EYS: variants seen among roughly 807,000 people sequenced by gnomAD.
The protein encoded by EYS is protein eyes shut homolog.
A neutral mutation model predicts 282.1 loss-of-function variants in EYS; 250 were observed. The observed-to-expected ratio is 0.89, with a 90% CI of 0.80 to 0.98. EYS has a LOEUF of 0.98. EYS is among the 50% of genes least tolerant of loss of function. The pLI is 0.00. For synonymous variants in EYS, 1,355 were observed against 1,282.9 expected (o/e 1.06, Z -1.20); for missense variants, 4,016 against 3,709.0 (o/e 1.08, Z -2.15).
chr6:64,770,174 G>A (rs1239354905), intron 22 of EYS, among the ~76,000 whole-genome samples: 1 of 151,834 alleles, frequency 6.6e-6, no homozygotes. Context: ...TTGAGAGATT[G>A]TTTTGAGACC....
chr6:64,767,269 G>T (rs1469896786), intron 22 of EYS, among the ~76,000 whole-genome samples: 3 of 151,900 alleles, frequency 2.0e-5, no homozygotes, highest in Non-Finnish European at 4.4e-5. Flanking sequence ...TTATGTCTTT[G>T]TATTGGAATA....
intron 5 of EYS, among the ~76,000 whole-genome samples, chr6:65,428,227 T>C (rs1306604719): frequency 2.0e-5 from 3 of 152,090 alleles, no homozygotes; most frequent in African/African-American, 7.2e-5. Flanking sequence ...ATTCTATGTC[T>C]GAAAATTTAT....
intron 35 of EYS, among the ~76,000 whole-genome samples, chr6:63,913,110 A>C (rs931138986): frequency 1.3e-5 from 2 of 152,162 alleles, no homozygotes; most frequent in Non-Finnish European, 2.9e-5. Flanking sequence ...TCTCAGGCTG[A>C]ACCAGGGAAA....
chr6:65,138,350 C>G (rs1561985237), intron 12 of EYS, among the ~76,000 whole-genome samples: 1 of 151,868 alleles, frequency 6.6e-6, no homozygotes, highest in Admixed American at 6.6e-5. Flanking sequence ...TTTTTGGAAG[C>G]CCAGTATTAC....
chr6:65,347,641 G>T (rs969255325), intron 9 of EYS, among the ~76,000 whole-genome samples: 1 of 148,954 alleles, frequency 6.7e-6, no homozygotes. Context: ...GAGATATTTT[G>T]CTACAGGCAT....
At chr6:64,726,681 C>G (rs911898863) in intron 22 of EYS, among the ~76,000 whole-genome samples, 1 of 151,950 alleles carries the variant, frequency 6.6e-6, no homozygotes, top group Non-Finnish European at 1.5e-5. Flanking sequence ...ATTCTATAAC[C>G]CTATTCAATG....
intron 35 of EYS, among the ~76,000 whole-genome samples, chr6:63,907,737 C>T (rs1773810695): frequency 6.6e-6 from 1 of 151,814 alleles, no homozygotes; most frequent in Non-Finnish European, 1.5e-5. Context: ...ATGTTGTTCC[C>T]ATTAAGTAAT....
intron 1 of EYS, among the ~76,000 whole-genome samples, chr6:65,646,086 T>C (rs1460424913): frequency 6.6e-6 from 1 of 152,180 alleles, no homozygotes; most frequent in Non-Finnish European, 1.5e-5. Flanking sequence ...CACAGCTGAA[T>C]TCCTTCAGAC....
In EYS at chr6:64,031,595, GT is replaced by G. The variant is rs1433801141; in HGVS notation, c.6726-32413del. Among the ~76,000 whole-genome samples, 6 of 152,246 alleles carry G rather than the reference GT, an allele frequency of 3.9e-5. No homozygotes were observed. The East Asian group carries it at 1.2e-3, about 29-fold the overall frequency. On this transcript the variant is annotated intron_variant, in intron 33 of 42. Coordinates refer to ENST00000503581, the MANE Select transcript of EYS (RefSeq NM_001142800.2). ...GAAGCCAGCGGGGCTCCTGAGTCTG[GT>G]GGGGACTTGCAGAACCTTTATGTCT...
In EYS at chr6:64,912,639, A is replaced by G. The variant is rs1182607969; in HGVS notation, c.2486T>C (p.Ile829Thr). 5 of 1,550,220 alleles carry G rather than the reference A, an allele frequency of 3.2e-6. No individual in the cohort carries two copies. In the East Asian group the frequency reaches 1.2e-4, roughly 38 times the overall value. Residue 829 changes from isoleucine (I) to threonine (T), a missense_variant, in exon 16 of 43, where the codon ATC (isoleucine) becomes ACC (threonine). Coordinates refer to ENST00000503581, the MANE Select transcript of EYS (RefSeq NM_001142800.2). ...MNGGLCHEST[I>T]PGQFVCLCPP... ...GCACAGACATACAAATTGTCCAGGGATGGTAGATTCATGACAAAGACCTCC... is the reference window on the plus strand; with the variant it reads ...GCACAGACATACAAATTGTCCAGGGGTGGTAGATTCATGACAAAGACCTCC...
chr6:64,302,625 C>T (rs1342324056), intron 30 of EYS, among the ~76,000 whole-genome samples: 1 of 152,100 alleles, frequency 6.6e-6, no homozygotes, highest in Non-Finnish European at 1.5e-5. Context: ...ATAAGCATCT[C>T]AAATAACCCC....
At chr6:65,225,898 T>TA (rs1766612604) in intron 12 of EYS, among the ~76,000 whole-genome samples, 1 of 151,900 alleles carries the variant, frequency 6.6e-6, no homozygotes, top group Non-Finnish European at 1.5e-5. Flanking sequence ...TTTAACATGA[T>TA]AAAGAGCATT....
Position 65,137,710 on chromosome 6 carries a change from T to C in EYS, c.2024-79983A>G, listed in dbSNP as rs113396958. On this transcript the variant is annotated intron_variant, in intron 12 of 42. Transcript: ENST00000503581. The stretch of plus-strand genomic sequence containing the variant: ...AATAAATATTTAAGAGGTTAAAATA[T>C]ATAGGATTAGTACTGGAATGGGTGG... 4.7e-3 allele frequency among the ~76,000 whole-genome samples: 712 copies of C among 152,146 alleles called. 4 individuals carry two copies. The highest frequency in any genetic ancestry group is 0.015 in the African/African-American group (630 of 41,502).
intron 1 of EYS, among the ~76,000 whole-genome samples, chr6:65,694,742 T>TAAA (rs34494006): frequency 1.5e-5 from 2 of 135,460 alleles, no homozygotes; most frequent in Admixed American, 7.7e-5. Flanking sequence ...GTTGTAGATT[T>TAAA]AAAAAAAAAA....
rs545522689 is a variant in EYS, at chr6:64,126,431, ACT to A, written c.6425-44431_6425-44430del. ...CCTCAAGATTTGTGCACTTTCTGTGACTCTAGCATATTGCAGTTACTCCAGTA... is the reference window on the plus strand; with the variant it reads ...CCTCAAGATTTGTGCACTTTCTGTGACTAGCATATTGCAGTTACTCCAGTA... On this transcript the variant is annotated intron_variant, in intron 31 of 42. Coordinates refer to ENST00000503581, the MANE Select transcript of EYS (RefSeq NM_001142800.2). 4.4e-3 allele frequency among the ~76,000 whole-genome samples: 662 copies of A among 151,856 alleles called. 5 individuals are homozygous for A. Among genetic ancestry groups the A allele is most frequent in the African/African-American group, 0.015 (631 of 41,410 alleles).
intron 36 of EYS, among the ~76,000 whole-genome samples, chr6:63,819,578 G>T (rs530241532): frequency 6.6e-6 from 1 of 152,274 alleles, no homozygotes; most frequent in East Asian, 1.9e-4. Context: ...TACCCTGAAG[G>T]TTGGCCCAGT....
intron 26 of EYS, among the ~76,000 whole-genome samples, chr6:64,499,106 C>T (rs1776967064): frequency 6.6e-6 from 1 of 152,188 alleles, no homozygotes; most frequent in African/African-American, 2.4e-5. Context: ...TATTTCTCCA[C>T]ATCTTTGCCA....
In EYS at chr6:64,882,336, C is replaced by CATTATATT. The variant is rs1214571660; in HGVS notation, c.2992+4360_2992+4361insAATATAAT. On this transcript the variant is annotated intron_variant, in intron 19 of 42. Coordinates refer to ENST00000503581, the MANE Select transcript of EYS (RefSeq NM_001142800.2). Reference sequence around the variant, plus strand: ...TTTTCTTCTGTTAGATGAAATTTTACCCATACATTATATGGAATTCATTAT... The same window carrying CATTATATT: ...TTTTCTTCTGTTAGATGAAATTTTACATTATATTCCATACATTATATGGAATTCATTAT... Among the ~76,000 whole-genome samples the CATTATATT allele has an allele frequency of 4.6e-5, 7 of 151,802 alleles. 1 individual carries two copies. The highest frequency in any genetic ancestry group is 1.7e-4 in the African/African-American group (7 of 41,494).
chr6:65,689,237 A>T (rs1187878128), intron 1 of EYS, among the ~76,000 whole-genome samples: 1 of 150,178 alleles, frequency 6.7e-6, no homozygotes. Flanking sequence ...ACATGGATGA[A>T]GCTGGAAACC....
Sources: allele counts gnomAD v4.1 joint callset (sites outside exome capture counted in the v4.1 genomes callset), GRCh38; gene constraint gnomAD v4.1.1; transcripts MANE v1.5; gene names NCBI Gene and HGNC (gene_info 2026-07-23, HGNC 2026-07-21).